The following BCL2L11 variants were observed in gnomAD, a reference collection of about 807,000 sequenced individuals.
The protein encoded by BCL2L11 is BCL2 like 11.
Under a neutral mutation model 20.6 loss-of-function variants are expected in BCL2L11, and 15 were observed. That is an observed-to-expected ratio of 0.73 (90% CI 0.49 to 1.12). The LOEUF (loss-of-function observed/expected upper bound fraction) is 1.12, where lower values mean the gene tolerates loss of function less well. Among genes scored for constraint, BCL2L11 ranks in the 50% most tolerant of loss-of-function variants. The pLI, the probability that BCL2L11 is intolerant of heterozygous loss-of-function variation, is 0.00. For missense variants in BCL2L11, 292 were observed against 260.9 expected (o/e 1.12, Z -0.82); for synonymous variants, 108 against 92.8 (o/e 1.16, Z -0.94).
intron 2 of BCL2L11, among the ~76,000 whole-genome samples, chr2:111,125,688 A>G (rs2072423547): frequency 6.6e-6 from 1 of 151,476 alleles, no homozygotes. Context: ...GAGGTTGGGC[A>G]CACCTGTGAG....
At chr2:111,128,279 CTTTTT>C (rs2073112751) in intron 2 of BCL2L11, among the ~76,000 whole-genome samples, 1 of 152,040 alleles carries the variant, frequency 6.6e-6, no homozygotes, top group African/African-American at 2.4e-5. Flanking sequence ...AATTTCCTTC[CTTTTT>C]AAGGCTGAAG....
rs537232130 is a variant in BCL2L11, at chr2:111,121,714, A to C, written c.-14+526A>C. Among the ~76,000 whole-genome samples the C allele has an allele frequency of 3.8e-4, 58 of 151,944 alleles. 1 individual carries two copies. The South Asian group carries it at 0.012, about 32-fold the overall frequency. On this transcript the variant is annotated intron_variant, in intron 1 of 3. Coordinates refer to ENST00000393256, the MANE Select transcript of BCL2L11 (RefSeq NM_138621.5). ...CTGACGAGACACGGCTTTTCCTTTT[A>C]CTCATTCAGGCCAAGGTTTCGGGGC...
chr2:111,139,497 A>T (rs2075455260), intron 2 of BCL2L11, among the ~76,000 whole-genome samples: 1 of 152,204 alleles, frequency 6.6e-6, no homozygotes, highest in East Asian at 1.9e-4. Context: ...GTGTGAATGA[A>T]ATCAAGACTT....
At chr2:111,124,535 C>G (rs1241362124) in intron 2 of BCL2L11, among the ~76,000 whole-genome samples, 1 of 152,182 alleles carries the variant, frequency 6.6e-6, no homozygotes. Flanking sequence ...TGTAATCTGC[C>G]TGTCTCAGCC....
Position 111,125,284 on chromosome 2 carries a change from A to G in BCL2L11, c.394+1145A>G, listed in dbSNP as rs79907558. On this transcript the variant is annotated intron_variant, in intron 2 of 3. Transcript: ENST00000393256. ...TTGATTTGGCCCTTGAACCTACAGC[A>G]TGTGACTTTGGGTACATACTTTGGG... Among the ~76,000 whole-genome samples, 1,292 of 152,344 alleles carry G rather than the reference A, an allele frequency of 8.5e-3. 7 individuals are homozygous for G. The highest frequency in any genetic ancestry group is 0.019 in the East Asian group (97 of 5,186).
intron 2 of BCL2L11, chr2:111,142,305 G>T: frequency 6.5e-7 from 1 of 1,549,754 alleles, no homozygotes; most frequent in Non-Finnish European, 8.7e-7. Flanking sequence ...CATTTTTATG[G>T]CTTGCAGATG....
chr2:111,122,014 T>A (rs2071094504), intron 1 of BCL2L11, among the ~76,000 whole-genome samples: 1 of 151,970 alleles, frequency 6.6e-6, no homozygotes, highest in Non-Finnish European at 1.5e-5. Context: ...GCCCCAGGGT[T>A]GGCGCTGCTG....
In BCL2L11 at chr2:111,164,118, C is replaced by T; in HGVS notation, c.499-15C>T. The T allele has an allele frequency of 7.6e-7, 1 of 1,320,772 alleles. No individual in the cohort carries two copies. The highest frequency in any genetic ancestry group is 1.1e-6 in the Non-Finnish European group (1 of 943,628). 81.8% of individuals were successfully genotyped at this position (1,320,772 alleles called of 1,614,324 possible). A position where few individuals can be genotyped will look rare whatever the true frequency, so the allele number is the denominator to read the frequency against. ...ATTAGGGAGAAACTAAGAAGCTTTC[C>T]TTTTGTTGTTTCAGGTATTTTTGAA... is the stretch of plus-strand genomic sequence containing the variant. On this transcript the variant is annotated splice_polypyrimidine_tract_variant and intron_variant, in intron 3 of 3. Coordinates refer to ENST00000393256, the MANE Select transcript of BCL2L11 (RefSeq NM_138621.5).
intron 3 of BCL2L11, among the ~76,000 whole-genome samples, chr2:111,159,955 A>G (rs1270709511): frequency 6.6e-6 from 1 of 152,266 alleles, no homozygotes; most frequent in Non-Finnish European, 1.5e-5. Flanking sequence ...GCTTAAGTCT[A>G]TGCTGAGGAA....
intron 2 of BCL2L11, among the ~76,000 whole-genome samples, chr2:111,147,937 T>C (rs1274058773): frequency 2.0e-5 from 3 of 152,262 alleles, no homozygotes; most frequent in African/African-American, 7.2e-5. Flanking sequence ...TTTGTTGCTA[T>C]ACCCAGAGCA....
rs1162853809 is a variant in BCL2L11 at position 111,121,167 on chromosome 2, C to T, written c.-35C>T. On this transcript the variant is annotated 5_prime_UTR_variant, in exon 1 of 4. Coordinates refer to ENST00000393256, the MANE Select transcript of BCL2L11 (RefSeq NM_138621.5). Reference sequence around the variant, plus strand: ...TGTTCCCCCAAATGTCTGACTCTGACTCTCGGACTGAGAAACGCAAGGTAA... The same window carrying T: ...TGTTCCCCCAAATGTCTGACTCTGATTCTCGGACTGAGAAACGCAAGGTAA... 8.1e-6 allele frequency: 2 copies of T among 245,590 alleles called. No homozygotes were observed. Among genetic ancestry groups the T allele is most frequent in the African/African-American group, 4.6e-5 (2 of 43,312 alleles). 15.2% of individuals were successfully genotyped at this position (245,590 alleles called of 1,614,324 possible).
intron 3 of BCL2L11, chr2:111,151,775 A>G (rs149354866): frequency 7.1e-7 from 1 of 1,401,710 alleles, no homozygotes; most frequent in African/African-American, 1.4e-5. Flanking sequence ...TAAAATGGGA[A>G]GTGTGACATT....
chr2:111,153,508 C>T (rs2077482437), intron 3 of BCL2L11, among the ~76,000 whole-genome samples: 1 of 152,086 alleles, frequency 6.6e-6, no homozygotes, highest in Non-Finnish European at 1.5e-5. Context: ...CTTAATGGTC[C>T]ATTGTTAAAT....
intron 2 of BCL2L11, among the ~76,000 whole-genome samples, chr2:111,133,547 G>T (rs1266053370): frequency 6.6e-6 from 1 of 152,072 alleles, no homozygotes; most frequent in Non-Finnish European, 1.5e-5. Flanking sequence ...TTCTGTTACT[G>T]TTTTCTTTCT....
Position 111,137,121 on chromosome 2 carries a change from A to G in BCL2L11, c.395-12923A>G, listed in dbSNP as rs556695394. Among the ~76,000 whole-genome samples the G allele has an allele frequency of 3.9e-5, 6 of 152,256 alleles. No individual in the cohort carries two copies. The South Asian group carries it at 1.2e-3, about 32-fold the overall frequency. On this transcript the variant is annotated intron_variant, in intron 2 of 3. Coordinates refer to ENST00000393256, the MANE Select transcript of BCL2L11 (RefSeq NM_138621.5). ...GGGGGACTTCTTACTAAAGATTCAG[A>G]CTTGTTTTATATTTAGAGTACTTGT...
rs1013028263 is a variant in BCL2L11 at position 111,121,139 on chromosome 2, C to T, written c.-63C>T. Reference sequence around the variant, plus strand: ...CACCGCCTCGGCGCCCTTTCTTGGCCCTTGTTCCCCCAAATGTCTGACTCT... The same window carrying T: ...CACCGCCTCGGCGCCCTTTCTTGGCTCTTGTTCCCCCAAATGTCTGACTCT... On this transcript the variant is annotated 5_prime_UTR_variant, in exon 1 of 4. Coordinates refer to ENST00000393256, the MANE Select transcript of BCL2L11 (RefSeq NM_138621.5). 4 of 266,132 alleles carry T rather than the reference C, an allele frequency of 1.5e-5. No individual in the cohort carries two copies. Among genetic ancestry groups the T allele is most frequent in the African/African-American group, 9.2e-5 (4 of 43,556 alleles). 16.5% of individuals were successfully genotyped at this position (266,132 alleles called of 1,614,324 possible).
At chr2:111,158,054 C>T (rs1260610594) in intron 3 of BCL2L11, among the ~76,000 whole-genome samples, 1 of 152,220 alleles carries the variant, frequency 6.6e-6, no homozygotes, top group African/African-American at 2.4e-5. Context: ...GCAATCTCCT[C>T]TGACACCTGA....
chr2:111,136,346 C>T (rs897966188), intron 2 of BCL2L11, among the ~76,000 whole-genome samples: 1 of 152,154 alleles, frequency 6.6e-6, no homozygotes, highest in Non-Finnish European at 1.5e-5. Flanking sequence ...TGTCCTATTT[C>T]CCGCTTCAGT....
chr2:111,153,991 C>T, intron 3 of BCL2L11: 2 of 1,327,656 alleles, frequency 1.5e-6, no homozygotes, highest in Non-Finnish European at 1.9e-6. Context: ...AACGGCCTGG[C>T]CCCTCTATTC....
Sources: allele counts gnomAD v4.1 joint callset (sites outside exome capture counted in the v4.1 genomes callset), GRCh38; gene constraint gnomAD v4.1.1; transcripts MANE v1.5; gene names NCBI Gene and HGNC (gene_info 2026-07-23, HGNC 2026-07-21).